The following ZNF536 variants were observed in gnomAD, a reference collection of about 807,000 sequenced individuals.
The protein encoded by ZNF536 is zinc finger protein 536.
Under a neutral mutation model 84.5 loss-of-function variants are expected in ZNF536, and 13 were observed. The ratio of observed to expected loss-of-function variants is 0.15; its 90% CI spans 0.10 to 0.24. The LOEUF (loss-of-function observed/expected upper bound fraction) is 0.24. Ranked by LOEUF, ZNF536 falls within the 10% of genes least tolerant of loss-of-function variation. ZNF536 has a pLI of 1.00. For synonymous variants in ZNF536, 811 were observed against 742.5 expected (o/e 1.09, Z -1.50); for missense variants, 1,536 against 1,747.5 (o/e 0.88, Z 2.16).
chr19:30,328,012 G>A (rs1159379490), intron 2 of ZNF536, among the ~76,000 whole-genome samples: 1 of 152,174 alleles, frequency 6.6e-6, no homozygotes, highest in African/African-American at 2.4e-5. Flanking sequence ...CAGATAGGGT[G>A]GAACCTGCTT....
At chr19:30,650,165 G>T (rs1253979014) in intron 1 of ZNF536, among the ~76,000 whole-genome samples, 3 of 152,212 alleles carry the variant, frequency 2.0e-5, no homozygotes, top group Non-Finnish European at 4.4e-5. Context: ...TGTGCAGAAA[G>T]GCTGAAGCTA....
At chr19:30,485,558 C>T (rs1229927433) in intron 2 of ZNF536, among the ~76,000 whole-genome samples, 1 of 151,924 alleles carries the variant, frequency 6.6e-6, no homozygotes, top group Non-Finnish European at 1.5e-5. Flanking sequence ...GACCCATGAG[C>T]TTCTTGTTTC....
intron 2 of ZNF536, among the ~76,000 whole-genome samples, chr19:30,330,239 G>T (rs2047167130): frequency 1.3e-5 from 2 of 152,220 alleles, no homozygotes; most frequent in Admixed American, 6.5e-5. Flanking sequence ...ATTCGATCAT[G>T]TAGAAGTTTG....
intron 1 of ZNF536, among the ~76,000 whole-genome samples, chr19:30,230,580 C>T (rs970209714): frequency 4.6e-5 from 7 of 152,186 alleles, no homozygotes; most frequent in Non-Finnish European, 7.4e-5. Context: ...AGGCCAATAA[C>T]CCCCATTATG....
At chr19:30,619,961 T>C (rs564940829) in intron 1 of ZNF536, among the ~76,000 whole-genome samples, 1 of 152,062 alleles carries the variant, frequency 6.6e-6, no homozygotes, top group Admixed American at 6.5e-5. Flanking sequence ...CGAGCAAGAG[T>C]ATTTTGTTGT....
intron 1 of ZNF536, among the ~76,000 whole-genome samples, chr19:30,606,107 T>C (rs2047858342): frequency 6.6e-6 from 1 of 150,648 alleles, no homozygotes; most frequent in East Asian, 2.0e-4. Context: ...TGAGCCATGA[T>C]TGTGCCACTG....
chr19:30,388,682 G>T (rs932102583), intron 1 of ZNF536, among the ~76,000 whole-genome samples: 1 of 152,234 alleles, frequency 6.6e-6, no homozygotes, highest in Non-Finnish European at 1.5e-5. Flanking sequence ...AGGCTGTTGG[G>T]AGAAGCTGAA....
At chr19:30,594,010 G>A (rs2047361603) in intron 1 of ZNF536, among the ~76,000 whole-genome samples, 1 of 152,184 alleles carries the variant, frequency 6.6e-6, no homozygotes, top group Admixed American at 6.5e-5. Flanking sequence ...CCTTTTCTTA[G>A]TCTCATCCTC....
intron 3 of ZNF536, among the ~76,000 whole-genome samples, chr19:30,365,162 G>A (rs958749480): frequency 6.6e-6 from 1 of 152,224 alleles, no homozygotes; most frequent in Non-Finnish European, 1.5e-5. Flanking sequence ...TATAAATAGA[G>A]TTCATGCATT....
At chr19:30,567,557 G>A (rs1040560680) in intron 1 of ZNF536, among the ~76,000 whole-genome samples, 3 of 152,040 alleles carry the variant, frequency 2.0e-5, no homozygotes, top group African/African-American at 4.8e-5. Context: ...TCCTTCCCCC[G>A]CAGCGAGAGG....
intron 2 of ZNF536, among the ~76,000 whole-genome samples, chr19:30,296,851 G>A (rs553615586): frequency 6.4e-4 from 98 of 152,248 alleles, no homozygotes; most frequent in African/African-American, 2.3e-3. Context: ...GCATCCTTTC[G>A]CCCTCATGGG....
At position 30,575,982 on chromosome 19, in the gene ZNF536, C is replaced by A. The variant is rs1291179263; in HGVS notation, c.169+26468C>A. On this transcript the variant is annotated intron_variant, in intron 1 of 1. Coordinates refer to the ZNF536 transcript ENST00000592773. Reference sequence around the variant, plus strand: ...GGCCAGCTTCATGGGGTGTGCGCCCCATGCAGTCCCTTAAGGCCTACACTG... The same window carrying A: ...GGCCAGCTTCATGGGGTGTGCGCCCAATGCAGTCCCTTAAGGCCTACACTG... Among the ~76,000 whole-genome samples, 3 of 152,212 alleles carry A rather than the reference C, an allele frequency of 2.0e-5. No individual in the cohort carries two copies. In the East Asian group the frequency reaches 5.8e-4, roughly 29 times the overall value.
At chr19:30,273,724 T>A (rs1311606503) in intron 1 of ZNF536, among the ~76,000 whole-genome samples, 1 of 152,250 alleles carries the variant, frequency 6.6e-6, no homozygotes, top group East Asian at 1.9e-4. Flanking sequence ...TTCTTAACAC[T>A]TGTGGAAACT....
At chr19:30,384,135 T>C (rs1225143759) in intron 1 of ZNF536, among the ~76,000 whole-genome samples, 1 of 76,604 alleles carries the variant, frequency 1.3e-5, no homozygotes, top group Middle Eastern at 9.1e-3. Context: ...TTTCTTTCTT[T>C]CTTTCTTTCT....
chr19:30,546,678 C>G (rs553461752), intron 3 of ZNF536, among the ~76,000 whole-genome samples: 1 of 152,186 alleles, frequency 6.6e-6, no homozygotes, highest in African/African-American at 2.4e-5. Flanking sequence ...TTAGATCAGT[C>G]TATTTTACAA....
At chr19:30,357,177 G>A (rs2048123070) in intron 3 of ZNF536, among the ~76,000 whole-genome samples, 1 of 152,236 alleles carries the variant, frequency 6.6e-6, no homozygotes, top group Admixed American at 6.5e-5. Flanking sequence ...GGTAGTATCT[G>A]TACTTGAGAG....
At chr19:30,535,635 C>G (rs994838528) in intron 3 of ZNF536, among the ~76,000 whole-genome samples, 1 of 151,996 alleles carries the variant, frequency 6.6e-6, no homozygotes, top group Non-Finnish European at 1.5e-5. Context: ...TCATACTGGA[C>G]GAGGACTGGC....
chr19:30,372,795 C>T (rs2048658745), intron 1 of ZNF536, among the ~76,000 whole-genome samples: 1 of 151,828 alleles, frequency 6.6e-6, no homozygotes, highest in Non-Finnish European at 1.5e-5. Flanking sequence ...TAAAACTTTT[C>T]CTATAATTCC....
intron 2 of ZNF536, among the ~76,000 whole-genome samples, chr19:30,506,762 C>G (rs2055190648): frequency 6.6e-6 from 1 of 152,118 alleles, no homozygotes; most frequent in East Asian, 1.9e-4. Flanking sequence ...GATCCCTTTC[C>G]CCACAACAAA....
Sources: gnomAD v4.1 joint callset for allele counts (sites outside exome capture counted in the v4.1 genomes callset) on GRCh38, gnomAD v4.1.1 for gene constraint, MANE v1.5 for transcripts, NCBI Gene and HGNC (gene_info 2026-07-23, HGNC 2026-07-21) for gene names.